The following VEPH1 variants were observed in gnomAD, a reference collection of about 807,000 sequenced individuals.
VEPH1 encodes ventricular zone expressed PH domain containing 1.
A neutral mutation model predicts 85.2 loss-of-function variants in VEPH1; 80 were observed. That is an observed-to-expected ratio of 0.94 (90% confidence interval 0.78 to 1.13). The LOEUF is 1.13. Among genes scored for constraint, VEPH1 ranks in the 50% most tolerant of loss-of-function variants. The pLI, the probability that VEPH1 is intolerant of heterozygous loss-of-function variation, is 0.00. For missense variants in VEPH1, 955 were observed against 980.5 expected (o/e 0.97, Z 0.35); for synonymous variants, 297 against 348.0 (o/e 0.85, Z 1.63).
intron 6 of VEPH1, among the ~76,000 whole-genome samples, chr3:157,386,296 C>A (rs1577525457): frequency 1.6e-5 from 2 of 129,012 alleles, no homozygotes; most frequent in Admixed American, 7.8e-5. Context: ...GGCACATAGG[C>A]AAATAACACA....
chr3:157,489,422 C>G (rs1739008191), intron 2 of VEPH1: 1 of 294,510 alleles, frequency 3.4e-6, no homozygotes, highest in Non-Finnish European at 6.8e-6. Flanking sequence ...CAGTCTACAG[C>G]CTTAGGACCT....
At chr3:157,350,073 G>A (rs967967183) in intron 9 of VEPH1, among the ~76,000 whole-genome samples, 1 of 152,042 alleles carries the variant, frequency 6.6e-6, no homozygotes, top group Non-Finnish European at 1.5e-5. Flanking sequence ...GCAATTCTGG[G>A]CAAAAAGAAC....
chr3:157,318,619 C>T (rs999953676), intron 9 of VEPH1, among the ~76,000 whole-genome samples: 7 of 75,852 alleles, frequency 9.2e-5, no homozygotes, highest in African/African-American at 2.8e-4. Flanking sequence ...AAAAACAAAA[C>T]AAAACAAAAA....
chr3:157,442,933 G>A, intron 4 of VEPH1: 1 of 1,613,870 alleles, frequency 6.2e-7, no homozygotes, highest in Non-Finnish European at 8.5e-7. Context: ...GTTGGGTGGG[G>A]AGTCACAGAG....
chr3:157,340,097 G>A (rs917135057), intron 9 of VEPH1, among the ~76,000 whole-genome samples: 9 of 152,206 alleles, frequency 5.9e-5, no homozygotes, highest in Non-Finnish European at 1.3e-4. Flanking sequence ...CAGCGTGAGC[G>A]ACGCAGAAGA....
chr3:157,360,455 C>T (rs536242567), intron 9 of VEPH1, among the ~76,000 whole-genome samples: 1 of 151,600 alleles, frequency 6.6e-6, no homozygotes, highest in South Asian at 2.1e-4. Context: ...TTTTTAAGTA[C>T]AGATGATGAA....
rs150827179 is a variant in VEPH1 at position 157,470,519 on chromosome 3, G to C, written c.149C>G (p.Thr50Ser). 3 of 1,614,108 alleles carry C rather than the reference G, an allele frequency of 1.9e-6. No individual in the cohort carries two copies. The highest frequency in any genetic ancestry group is 2.5e-6 in the Non-Finnish European group (3 of 1,179,984). The change falls in exon 3 of 14, where the codon ACC (threonine) becomes AGC (serine). Residue 50 changes from threonine to serine, a missense_variant. Physicochemically the swap from Thr to Ser is moderately conservative, Grantham distance 58 (BLOSUM62 1). Transcript: ENST00000362010. ...KIISSSSDYQTNNNDQAVVEI... is the reference protein window; with the variant it reads ...KIISSSSDYQSNNNDQAVVEI... ...AACTACTGCCTGGTCATTGTTATTG[G>C]TTTGGTAATCCTGTTTGGAAAGAAA... is the stretch of plus-strand genomic sequence containing the variant.
chr3:157,394,308 C>G (rs561700790), intron 6 of VEPH1, among the ~76,000 whole-genome samples: 1 of 152,168 alleles, frequency 6.6e-6, no homozygotes, highest in Non-Finnish European at 1.5e-5. Context: ...TCTGAGAAGG[C>G]AAGTGCAATA....
chr3:157,467,990 C>A (rs1472775814), intron 3 of VEPH1, among the ~76,000 whole-genome samples: 1 of 152,198 alleles, frequency 6.6e-6, no homozygotes, highest in Non-Finnish European at 1.5e-5. Context: ...ATGCTTTACT[C>A]AGAATAAAAC....
In VEPH1 at chr3:157,438,033, GCGCGCACACACACACACACA is replaced by G. The variant is rs1231593074; in HGVS notation, c.530-9565_530-9546del. 6.3e-6 allele frequency: 5 copies of G among 793,746 alleles called. No individual in the cohort carries two copies. The African/African-American group carries it at 8.1e-5, about 13-fold the overall frequency. The allele number at this position is 793,746 out of a possible 1,614,324, so 49.2% of individuals were successfully genotyped here. ...GCTTTCATGGGAAGCGCGCGCGCGC[GCGCGCACACACACACACACA>G]CACACACACACACACACACCCCTAT... On this transcript the variant is annotated intron_variant, in intron 4 of 13. Transcript: ENST00000362010.
chr3:157,489,947 T>C (rs572704350), intron 2 of VEPH1, among the ~76,000 whole-genome samples: 2 of 152,008 alleles, frequency 1.3e-5, no homozygotes, highest in East Asian at 1.9e-4. Context: ...TAAAAAAGAA[T>C]ATTATTATAT....
At chr3:157,287,318 T>C (rs924604851) in intron 11 of VEPH1, among the ~76,000 whole-genome samples, 5 of 151,850 alleles carry the variant, frequency 3.3e-5, no homozygotes, top group African/African-American at 1.2e-4. Flanking sequence ...GAGGTTGCAG[T>C]GAGGCAAGAT....
At chr3:157,381,407 T>C in intron 6 of VEPH1, 31 bp from the exon 7 acceptor site, 2 of 1,609,564 alleles carry the variant, frequency 1.2e-6, no homozygotes, top group East Asian at 2.2e-5. Flanking sequence ...AATAGGTTTA[T>C]CTTTTAGAAG....
At chr3:157,476,158 C>G (rs1005418454) in intron 2 of VEPH1, among the ~76,000 whole-genome samples, 1 of 152,174 alleles carries the variant, frequency 6.6e-6, no homozygotes, top group Non-Finnish European at 1.5e-5. Flanking sequence ...CATCACCCAC[C>G]ACTGCCTTGA....
intron 4 of VEPH1, among the ~76,000 whole-genome samples, chr3:157,429,114 T>C (rs1732956250): frequency 6.6e-6 from 1 of 152,208 alleles, no homozygotes; most frequent in Non-Finnish European, 1.5e-5. Context: ...AGATTTATAA[T>C]GGCAAAACCT....
chr3:157,295,683 A>T lies in VEPH1; in HGVS notation c.2011-9009T>A, dbSNP rs1718034557. On this transcript the variant is annotated intron_variant, in intron 11 of 13. Coordinates refer to ENST00000362010, the MANE Select transcript of VEPH1 (RefSeq NM_001167912.2). Reference sequence around the variant, plus strand: ...AAGTAAACTACGGTTGGTCAGGCACAGTGGCTCATGCCTGTAATCCCAGCA... The same window carrying T: ...AAGTAAACTACGGTTGGTCAGGCACTGTGGCTCATGCCTGTAATCCCAGCA... Among the ~76,000 whole-genome samples the T allele has an allele frequency of 1.3e-5, 2 of 152,198 alleles. 1 individual carries two copies. The highest frequency in any genetic ancestry group is 4.1e-4 in the South Asian group (2 of 4,836).
chr3:157,448,587 A>G (rs948162434), intron 4 of VEPH1, among the ~76,000 whole-genome samples: 1 of 152,198 alleles, frequency 6.6e-6, no homozygotes, highest in Non-Finnish European at 1.5e-5. Flanking sequence ...AAGATATGCT[A>G]ACTTGTGCTG....
In VEPH1 at chr3:157,395,848, C is replaced by T. The variant is rs567663188; in HGVS notation, c.907-14472G>A. Among the ~76,000 whole-genome samples, 111 of 152,194 alleles carry T rather than the reference C, an allele frequency of 7.3e-4. No homozygotes were observed. The Middle Eastern group carries it at 0.014, about 19-fold the overall frequency. ...CAGTACCCAATAGTTATCTTTTCTG[C>T]TCCTCTCCCTCTTCCCACCCTCCCG... On this transcript the variant is annotated intron_variant, in intron 6 of 13. Transcript: ENST00000362010.
At chr3:157,341,223 C>T (rs1259485495) in intron 9 of VEPH1, among the ~76,000 whole-genome samples, 2 of 152,168 alleles carry the variant, frequency 1.3e-5, no homozygotes, top group Non-Finnish European at 2.9e-5. Flanking sequence ...GATCAAACTT[C>T]TCCGAGCTAA....
Sources: gnomAD v4.1 joint callset for allele counts (sites outside exome capture counted in the v4.1 genomes callset) on GRCh38, gnomAD v4.1.1 for gene constraint, MANE v1.5 for transcripts, NCBI Gene and HGNC (gene_info 2026-07-23, HGNC 2026-07-21) for gene names.